The following NIBAN2 variants were observed in gnomAD, a reference collection of about 807,000 sequenced individuals.
The protein encoded by NIBAN2 is protein Niban 2.
NIBAN2 carries 36 observed loss-of-function variants against 81.8 expected under a neutral mutation model. The observed-to-expected ratio is 0.44, with a 90% CI of 0.34 to 0.58. NIBAN2 has a LOEUF of 0.58. Among genes scored for constraint, NIBAN2 ranks in the 20% least tolerant of loss-of-function variants. NIBAN2 has a pLI of 0.02. For missense variants in NIBAN2, 897 were observed against 1,014.1 expected, an observed-to-expected ratio of 0.88 and a Z score of 1.57; for synonymous variants, 445 against 441.6, an observed-to-expected ratio of 1.01 and a Z score of -0.10.
At chr9:127,578,663 C>T (rs1046215519) in intron 1 of NIBAN2, among the ~76,000 whole-genome samples, 3 of 148,618 alleles carry the variant, frequency 2.0e-5, no homozygotes, top group African/African-American at 7.6e-5. Context: ...AGTGAAACTC[C>T]GCCTAAAAAA....
At position 127,517,227 on chromosome 9, in the gene NIBAN2, G is replaced by T; in HGVS notation, c.706-11C>A. ...CAGGTTGCTCAGGATCTAGGTTGAGGAGGCACAAGCCAGGCCAGGGGCTGG... is the reference window on the plus strand; with the variant it reads ...CAGGTTGCTCAGGATCTAGGTTGAGTAGGCACAAGCCAGGCCAGGGGCTGG... On this transcript the variant is annotated splice_polypyrimidine_tract_variant and intron_variant, in intron 6 of 13. Transcript: ENST00000373312. The surrounding 1 kb of genome is among the most constrained non-coding windows in gnomAD (Gnocchi z 4.0). 6.2e-7 allele frequency: 1 copy of T among 1,612,310 alleles called. No homozygotes were observed. Among genetic ancestry groups the T allele is most frequent in the South Asian group, 1.1e-5 (1 of 90,956 alleles).
intron 1 of NIBAN2, among the ~76,000 whole-genome samples, chr9:127,544,274 C>T (rs1400801655): frequency 6.6e-6 from 1 of 152,096 alleles, no homozygotes; most frequent in Non-Finnish European, 1.5e-5. Context: ...TGGAGCCATG[C>T]TTAAAACAAG....
rs1287710652 is a variant in NIBAN2 at position 127,578,318 on chromosome 9, G to A, written c.16+604C>T. Among the ~76,000 whole-genome samples the A allele has an allele frequency of 2.8e-5, 4 of 142,782 alleles. No individual in the cohort carries two copies. The Admixed American group carries it at 3.0e-4, about 11-fold the overall frequency. 93.7% of individuals were successfully genotyped at this position (142,782 alleles called of 152,430 possible). A position where few individuals can be genotyped will look rare whatever the true frequency, so the allele number is the denominator to read the frequency against. ...TGCAGTGAGCCAAGATCCAGCCACT[G>A]CACTCCAGCCTGGGCAACAGAGTGA... is the stretch of plus-strand genomic sequence containing the variant. On this transcript the variant is annotated intron_variant, in intron 1 of 13. Coordinates refer to the NIBAN2 transcript ENST00000373314.
chr9:127,507,743 C>T lies in NIBAN2; in HGVS notation c.1654+124G>A, dbSNP rs1345966243. On this transcript the variant is annotated intron_variant, in intron 13 of 13. Coordinates refer to ENST00000373312, the MANE Select transcript of NIBAN2 (RefSeq NM_022833.4). The surrounding 1 kb of genome is among the most constrained non-coding windows in gnomAD (Gnocchi z 6.8). ...CACACAGCGAAGAGTGGGCTTCACC[C>T]AGACCCCAGGTGCAAGTCTGGGCTT... 2 of 884,106 alleles carry T rather than the reference C, an allele frequency of 2.3e-6. No homozygotes were observed. The highest frequency in any genetic ancestry group is 1.8e-6 in the Non-Finnish European group (1 of 542,534). The allele number at this position is 884,106 out of a possible 1,614,324, so 54.8% of individuals were successfully genotyped here.
In NIBAN2 at chr9:127,508,263, G is replaced by A; in HGVS notation, c.1435-63C>T. 6.9e-7 allele frequency: 1 copy of A among 1,438,954 alleles called. No individual in the cohort carries two copies. The highest frequency in any genetic ancestry group is 1.4e-5 in the African/African-American group (1 of 71,690). 89.1% of individuals were successfully genotyped at this position (1,438,954 alleles called of 1,614,324 possible). ...TGGGCTCCATTGGCCCTGAGGGTAG[G>A]ACGAGGCCAGTGGTCTGACCCAAGC... is the stretch of plus-strand genomic sequence containing the variant. On this transcript the variant is annotated intron_variant, in intron 11 of 13. Coordinates refer to ENST00000373312, the MANE Select transcript of NIBAN2 (RefSeq NM_022833.4). The surrounding 1 kb of genome is among the most constrained non-coding windows in gnomAD (Gnocchi z 6.4).
intron 4 of NIBAN2, 115 bp from the exon 5 acceptor site, chr9:127,523,961 G>T (rs913411777): frequency 3.4e-6 from 4 of 1,187,832 alleles, no homozygotes; most frequent in Non-Finnish European, 4.8e-6. Flanking sequence ...CCCAGAGAAG[G>T]CCAGCCTGTC....
chr9:127,558,312 C>T (rs773309193), intron 1 of NIBAN2, among the ~76,000 whole-genome samples: 20 of 152,144 alleles, frequency 1.3e-4, no homozygotes, highest in African/African-American at 2.7e-4. Flanking sequence ...CATCCCTTGC[C>T]GTCTGGGGCC....
At chr9:127,562,184 GCTC>G (rs1837785975) in intron 1 of NIBAN2, among the ~76,000 whole-genome samples, 2 of 152,082 alleles carry the variant, frequency 1.3e-5, no homozygotes. Context: ...TTCCCACTCG[GCTC>G]CTCCTCCCAC....
intron 1 of NIBAN2, among the ~76,000 whole-genome samples, chr9:127,575,588 G>A (rs1158948651): frequency 1.7e-4 from 25 of 145,116 alleles, no homozygotes; most frequent in Admixed American, 4.9e-4. Flanking sequence ...GGAGTGCAGT[G>A]GCGGGATCTC....
chr9:127,540,943 C>T (rs547145360), intron 1 of NIBAN2, among the ~76,000 whole-genome samples: 35 of 152,374 alleles, frequency 2.3e-4, no homozygotes, highest in Admixed American at 9.1e-4. Context: ...CAGGTAGCAG[C>T]ACCCTGTAGG....
chr9:127,532,869 C>CA (rs1047749028), intron 1 of NIBAN2, among the ~76,000 whole-genome samples: 48 of 151,908 alleles, frequency 3.2e-4, no homozygotes, highest in South Asian at 6.2e-4. Flanking sequence ...CTCATCCCTA[C>CA]AAAAAAATAC....
intron 8 of NIBAN2, 140 bp from the exon 9 acceptor site, chr9:127,510,473 G>T (rs1013986517): frequency 1.4e-4 from 72 of 519,540 alleles, no homozygotes; most frequent in Non-Finnish European, 1.9e-4. Flanking sequence ...GTCTCGCTCT[G>T]TCGCCCAGGC....
At chr9:127,577,630 C>T (rs188682822) in intron 1 of NIBAN2, among the ~76,000 whole-genome samples, 4 of 152,080 alleles carry the variant, frequency 2.6e-5, no homozygotes, top group Admixed American at 6.6e-5. Flanking sequence ...CAATACCCCA[C>T]GCTTCCCACA....
intron 8 of NIBAN2, among the ~76,000 whole-genome samples, chr9:127,515,944 C>A (rs1299813395): frequency 6.6e-6 from 1 of 152,048 alleles, no homozygotes; most frequent in Non-Finnish European, 1.5e-5. Context: ...TTGAGACCAG[C>A]CTGGGCAACA....
rs529686667 is a variant in NIBAN2, at chr9:127,509,143, G to A, written c.1162-12C>T. The stretch of plus-strand genomic sequence containing the variant: ...AGCTTCTCCATGTACTGCAGGGGCC[G>A]GGGCCGCGGGGGCTGAGCAGGGCCG... On this transcript the variant is annotated splice_polypyrimidine_tract_variant and intron_variant, in intron 9 of 13. Coordinates refer to ENST00000373312, the MANE Select transcript of NIBAN2 (RefSeq NM_022833.4). 3.4e-5 allele frequency: 54 copies of A among 1,602,082 alleles called. 2 individuals carry two copies. The Middle Eastern group carries it at 5.1e-4, about 15-fold the overall frequency.
intron 1 of NIBAN2, among the ~76,000 whole-genome samples, chr9:127,562,936 G>C (rs754074939): frequency 9.2e-5 from 14 of 152,192 alleles, no homozygotes; most frequent in Non-Finnish European, 1.8e-4. Context: ...AAAGAAGCAA[G>C]ACACAAACTT....
rs1393201717 is a variant in NIBAN2, at chr9:127,563,309, A to G, written c.55+5511T>C. 6.6e-6 allele frequency among the ~76,000 whole-genome samples: 1 copy of G among 152,242 alleles called. No homozygotes were observed. Among genetic ancestry groups the G allele is most frequent in the Non-Finnish European group, 1.5e-5 (1 of 68,036 alleles). On this transcript the variant is annotated intron_variant, in intron 1 of 13. Coordinates refer to ENST00000373312, the MANE Select transcript of NIBAN2 (RefSeq NM_022833.4). This position sits in a 1 kb window ranked among gnomAD's most constrained non-coding sequence, Gnocchi z 4.1. ...ATATAAGACCCAACAGAGAGACAGC[A>G]TCATCCCCAGACACTTCGCCCCCAG... is the stretch of plus-strand genomic sequence containing the variant.
At position 127,507,115 on chromosome 9, in the gene NIBAN2, C is replaced by T. The variant is rs369009718; in HGVS notation, c.1971G>A (p.Leu657=). 1.9e-6 allele frequency: 3 copies of T among 1,588,870 alleles called. No individual in the cohort carries two copies. Among genetic ancestry groups the T allele is most frequent in the African/African-American group, 2.7e-5 (2 of 74,522 alleles). Residue 657 remains leucine, a synonymous_variant, in exon 14 of 14, where the codon CTG becomes CTA. Coordinates refer to ENST00000373312, the MANE Select transcript of NIBAN2 (RefSeq NM_022833.4). This position sits in a 1 kb window ranked among gnomAD's most constrained non-coding sequence, Gnocchi z 6.8. ...PDGVTEIRGL[L]AQGLRPESPP... is the part of the protein sequence containing the mutation. ...GGCTCTCAGGCCGCAGACCTTGGGC[C>T]AGCAGGCCTCGGATCTCAGTGACAC...
In NIBAN2 at chr9:127,545,496, A is replaced by G. The variant is rs1346141372; in HGVS notation, c.56-13718T>C. Among the ~76,000 whole-genome samples the G allele has an allele frequency of 2.0e-5, 3 of 152,216 alleles. No individual in the cohort carries two copies. Among genetic ancestry groups the G allele is most frequent in the African/African-American group, 7.2e-5 (3 of 41,468 alleles). ...CGCCAAACAGGTCACCAGGGAGGCCATGGTGGGCAGGGACTCAGTCTGAGG... is the reference window on the plus strand; with the variant it reads ...CGCCAAACAGGTCACCAGGGAGGCCGTGGTGGGCAGGGACTCAGTCTGAGG... On this transcript the variant is annotated intron_variant, in intron 1 of 13. Transcript: ENST00000373312. The surrounding 1 kb of genome is among the most constrained non-coding windows in gnomAD (Gnocchi z 4.7).
Sources: allele counts gnomAD v4.1 joint callset (sites outside exome capture counted in the v4.1 genomes callset), GRCh38; gene constraint gnomAD v4.1.1; non-coding constraint Gnocchi (gnomAD v3.1); transcripts MANE v1.5; gene names NCBI Gene and HGNC (gene_info 2026-07-23, HGNC 2026-07-21).